INPP4B: variants seen among roughly 807,000 people sequenced by gnomAD.
INPP4B encodes the protein inositol polyphosphate 4-phosphatase type II.
INPP4B carries 55 observed loss-of-function variants against 122.5 expected under a neutral mutation model. The ratio of observed to expected loss-of-function variants is 0.45; its 90% CI spans 0.36 to 0.56. The LOEUF is 0.56. Among genes scored for constraint, INPP4B ranks in the 20% least tolerant of loss-of-function variants. The pLI is 0.00. For missense variants in INPP4B, 1,000 were observed against 1,097.7 expected, an observed-to-expected ratio of 0.91 and a Z score of 1.26; for synonymous variants, 403 against 388.7, an observed-to-expected ratio of 1.04 and a Z score of -0.43.
chr4:142,321,758 T>G (rs1393845627), intron 7 of INPP4B, among the ~76,000 whole-genome samples: 2 of 152,188 alleles, frequency 1.3e-5, no homozygotes, highest in Non-Finnish European at 2.9e-5. Flanking sequence ...AGTATTTGAC[T>G]TTATTTCTGG....
intron 7 of INPP4B, among the ~76,000 whole-genome samples, chr4:142,379,165 C>T (rs1793127281): frequency 6.6e-6 from 1 of 152,118 alleles, no homozygotes; most frequent in African/African-American, 2.4e-5. Context: ...CTATAGGCCC[C>T]ATATCTTCCT....
intron 2 of INPP4B, among the ~76,000 whole-genome samples, chr4:142,701,621 G>A (rs1761782450): frequency 6.6e-6 from 1 of 151,090 alleles, no homozygotes; most frequent in Non-Finnish European, 1.5e-5. Context: ...AGAATTTTTT[G>A]TTAAACACTA....
intron 21 of INPP4B, among the ~76,000 whole-genome samples, chr4:142,113,858 T>C (rs1791523976): frequency 6.6e-6 from 1 of 152,048 alleles, no homozygotes; most frequent in Non-Finnish European, 1.5e-5. Context: ...ATATAATTCA[T>C]AATTTCAACA....
intron 14 of INPP4B, among the ~76,000 whole-genome samples, chr4:142,201,745 G>A (rs1332223768): frequency 6.6e-6 from 1 of 151,710 alleles, no homozygotes; most frequent in African/African-American, 2.4e-5. Flanking sequence ...AAAATTCTAA[G>A]GTAACAATAC....
rs768222990 is a variant in INPP4B at position 142,193,123 on chromosome 4, C to G, written c.1145G>C (p.Arg382Pro). The change falls in exon 15 of 26, where the codon CGG becomes CCG. Residue 382 changes from arginine to proline, a missense_variant. By Grantham distance (103) the Arg-to-Pro change is moderately radical (BLOSUM62 -2). Coordinates refer to ENST00000262992, the MANE Select transcript of INPP4B (RefSeq NM_001101669.3). ...TGTTTCAAATCTATGGAGTAGCTTC[C>G]GAAGACCACCATTCTTAAATCCCTG... ...HFQGFKNGGL[R>P]KLLHRFETER... is the part of the protein sequence containing the mutation. The G allele has an allele frequency of 6.2e-7, 1 of 1,612,340 alleles. No individual in the cohort carries two copies. Among genetic ancestry groups the G allele is most frequent in the Non-Finnish European group, 8.5e-7 (1 of 1,178,644 alleles).
At chr4:142,819,799 C>G (rs568767386) in intron 1 of INPP4B, among the ~76,000 whole-genome samples, 2 of 152,188 alleles carry the variant, frequency 1.3e-5, no homozygotes, top group East Asian at 1.9e-4. Flanking sequence ...CACACACACA[C>G]GGTTCATAGG....
intron 2 of INPP4B, among the ~76,000 whole-genome samples, chr4:142,667,699 G>A (rs749128954): frequency 2.6e-5 from 4 of 152,144 alleles, no homozygotes; most frequent in Admixed American, 6.5e-5. Flanking sequence ...GGAGGATAGC[G>A]AAGACTATAA....
chr4:142,296,983 GTCACTTGAAGTTACT>G (rs11269364), intron 9 of INPP4B, among the ~76,000 whole-genome samples: 115,145 of 151,194 alleles, frequency 0.76, 45,127 homozygotes, highest in East Asian at 0.94. Context: ...CCCAAGAAAT[GTCACTTGAAGTTACT>G]TCACTTGAAG....
intron 18 of INPP4B, among the ~76,000 whole-genome samples, chr4:142,129,177 G>C (rs1800058712): frequency 6.6e-6 from 1 of 152,128 alleles, no homozygotes; most frequent in South Asian, 2.1e-4. Flanking sequence ...GGCCATTAAG[G>C]GGGGCAATAA....
chr4:142,763,728 T>A (rs922491733), intron 1 of INPP4B, among the ~76,000 whole-genome samples: 2 of 152,130 alleles, frequency 1.3e-5, no homozygotes, highest in Admixed American at 1.3e-4. Flanking sequence ...GTAAAAGTGA[T>A]GCCTGAACCA....
At chr4:142,273,820 C>G (rs1179486111) in intron 9 of INPP4B, among the ~76,000 whole-genome samples, 1 of 151,750 alleles carries the variant, frequency 6.6e-6, no homozygotes, top group Admixed American at 6.6e-5. Flanking sequence ...CTCAATTGAA[C>G]TTTGTGGAAA....
Position 142,225,778 on chromosome 4 carries a change from T to G in INPP4B, c.836+12086A>C, listed in dbSNP as rs567920469. ...TTAATTTTCTCCTGGGAACTTTTAT[T>G]GGTTATGAGGTTCATTTCCACTGAA... On this transcript the variant is annotated intron_variant, in intron 12 of 25. Coordinates refer to ENST00000262992, the MANE Select transcript of INPP4B (RefSeq NM_001101669.3). Among the ~76,000 whole-genome samples, 3 of 152,262 alleles carry G rather than the reference T, an allele frequency of 2.0e-5. No individual in the cohort carries two copies. The East Asian group carries it at 5.8e-4, about 29-fold the overall frequency.
At chr4:142,337,548 G>T (rs892230259) in intron 7 of INPP4B, among the ~76,000 whole-genome samples, 1 of 150,292 alleles carries the variant, frequency 6.7e-6, no homozygotes, top group African/African-American at 2.4e-5. Flanking sequence ...TATTAATGAG[G>T]TCGATTCCCA....
At chr4:142,768,217 C>T (rs1006067182) in intron 1 of INPP4B, among the ~76,000 whole-genome samples, 5 of 152,122 alleles carry the variant, frequency 3.3e-5, no homozygotes, top group Admixed American at 1.3e-4. Context: ...GAGTGCCTAC[C>T]AGACACTAAG....
intron 22 of INPP4B, among the ~76,000 whole-genome samples, chr4:142,112,192 C>T (rs6842783): frequency 0.13 from 20,165 of 152,094 alleles, 1,510 homozygotes; most frequent in East Asian, 0.24. Flanking sequence ...GATTTAAAAA[C>T]TTGATGCTAT....
intron 17 of INPP4B, among the ~76,000 whole-genome samples, chr4:142,159,295 G>C: frequency 6.6e-6 from 1 of 151,618 alleles, no homozygotes; most frequent in East Asian, 1.9e-4. Flanking sequence ...AAGGTAAAAG[G>C]GAGAAAGAAA....
chr4:142,636,998 T>C (rs1749297621), intron 2 of INPP4B, among the ~76,000 whole-genome samples: 1 of 152,188 alleles, frequency 6.6e-6, no homozygotes, highest in African/African-American at 2.4e-5. Context: ...TTCTGCTAAA[T>C]GGGTCATACT....
intron 7 of INPP4B, among the ~76,000 whole-genome samples, chr4:142,357,452 G>A (rs766688525): frequency 1.3e-5 from 2 of 151,972 alleles, no homozygotes; most frequent in Non-Finnish European, 2.9e-5. Context: ...GTGTGAGTGT[G>A]AATATGGTGA....
intron 18 of INPP4B, among the ~76,000 whole-genome samples, chr4:142,138,209 A>C (rs901456507): frequency 2.1e-4 from 32 of 152,050 alleles, no homozygotes; most frequent in African/African-American, 7.5e-4. Context: ...TGCAGCCATA[A>C]AAAATGATGA....
Sources: allele counts gnomAD v4.1 joint callset (sites outside exome capture counted in the v4.1 genomes callset), GRCh38; gene constraint gnomAD v4.1.1; transcripts MANE v1.5; gene names NCBI Gene and HGNC (gene_info 2026-07-23, HGNC 2026-07-21).